The following FETUB variants were observed in gnomAD, a reference collection of about 807,000 sequenced individuals.
The protein encoded by FETUB is fetuin B, also known as fetuin-B.
A neutral mutation model predicts 30.9 loss-of-function variants in FETUB; 28 were observed. That is an observed-to-expected ratio of 0.90 (90% CI 0.67 to 1.24). The LOEUF is 1.24. FETUB is among the 50% of genes most tolerant of loss of function. The pLI is 0.00. For missense variants in FETUB, 469 were observed against 455.3 expected (o/e 1.03, Z -0.27); for synonymous variants, 186 against 175.9 (o/e 1.06, Z -0.45).
At chr3:186,648,474 G>A (rs1287655577) in intron 5 of FETUB, among the ~76,000 whole-genome samples, 1 of 152,146 alleles carries the variant, frequency 6.6e-6, no homozygotes, top group Non-Finnish European at 1.5e-5. Context: ...GGGTATCCTG[G>A]ATGCCTTGAA....
chr3:186,644,315 A>T (rs528347989), intron 3 of FETUB, among the ~76,000 whole-genome samples: 6 of 152,286 alleles, frequency 3.9e-5, no homozygotes, highest in Admixed American at 3.3e-4. Flanking sequence ...TCACTTATCC[A>T]TTCATTCTAC....
rs1718166847 is a variant in FETUB, at chr3:186,652,688, G to A, written c.*57G>A. The A allele has an allele frequency of 2.0e-6, 3 of 1,528,090 alleles. No homozygotes were observed. In the East Asian group the frequency reaches 6.8e-5, roughly 35 times the overall value. 94.7% of individuals were successfully genotyped at this position (1,528,090 alleles called of 1,614,324 possible). ...TGCGCCGCATGACATGGGAGGCGAT[G>A]GGGACGATGGACAGAGACAGAGCGT... On this transcript the variant is annotated 3_prime_UTR_variant, in exon 7 of 7. Coordinates refer to ENST00000265029, the MANE Select transcript of FETUB (RefSeq NM_014375.3).
intron 5 of FETUB, among the ~76,000 whole-genome samples, chr3:186,649,519 G>A (rs1717820329): frequency 6.6e-6 from 1 of 152,030 alleles, no homozygotes; most frequent in Non-Finnish European, 1.5e-5. Flanking sequence ...GCCCAGGCTG[G>A]AGTACAGTGG....
Position 186,645,216 on chromosome 3 carries a change from T to C in FETUB, c.594+296T>C, listed in dbSNP as rs539131123. 2.0e-5 allele frequency among the ~76,000 whole-genome samples: 3 copies of C among 152,302 alleles called. No homozygotes were observed. The South Asian group carries it at 6.2e-4, about 32-fold the overall frequency. ...GATTATCCATACGTTCACCACTCAC[T>C]GCTGTATTCTCAAATGTGACTGATC... On this transcript the variant is annotated intron_variant, in intron 4 of 6. Coordinates refer to ENST00000265029, the MANE Select transcript of FETUB (RefSeq NM_014375.3).
chr3:186,642,611 T>C lies in FETUB; in HGVS notation c.424+53T>C, dbSNP rs537322354. ...TTTAATAAAGGATGGAAAAGAGTAC[T>C]TAACCAGGTCTTTGCCAAGAATGTA... On this transcript the variant is annotated intron_variant, in intron 3 of 6. Coordinates refer to ENST00000265029, the MANE Select transcript of FETUB (RefSeq NM_014375.3). 9 of 1,086,806 alleles carry C rather than the reference T, an allele frequency of 8.3e-6. No homozygotes were observed. In the African/African-American group the frequency reaches 1.2e-4, roughly 15 times the overall value. The allele number at this position is 1,086,806 out of a possible 1,614,324, so 67.3% of individuals were successfully genotyped here.
rs1226395505 is a variant in FETUB, at chr3:186,640,613, T to C, written c.153T>C (p.Asp51=). 1.2e-6 allele frequency: 2 copies of C among 1,614,148 alleles called. No homozygotes were observed. Among genetic ancestry groups the C allele is most frequent in the Non-Finnish European group, 1.7e-6 (2 of 1,180,018 alleles). Residue 51 remains aspartate (D), a synonymous_variant, in exon 1 of 7, where the codon GAT becomes GAC. Transcript: ENST00000265029. ...VLAVAGFALR[D]INKDRKDGYV... ...CAGTTGCAGGCTTTGCCCTGCGGGATATTAACAAAGACAGAAAGGATGGCT... is the reference window on the plus strand; with the variant it reads ...CAGTTGCAGGCTTTGCCCTGCGGGACATTAACAAAGACAGAAAGGATGGCT...
At chr3:186,645,972 G>T (rs934239937) in intron 4 of FETUB, among the ~76,000 whole-genome samples, 1 of 152,066 alleles carries the variant, frequency 6.6e-6, no homozygotes, top group Non-Finnish European at 1.5e-5. Context: ...TGATCCGCCC[G>T]CCTCGGCCTC....
intron 4 of FETUB, among the ~76,000 whole-genome samples, chr3:186,645,548 A>G (rs930093718): frequency 1.3e-5 from 2 of 151,774 alleles, no homozygotes; most frequent in Non-Finnish European, 2.9e-5. Context: ...GCTGGTCTCA[A>G]ACTCCTGGAC....
At chr3:186,644,718 G>T in intron 3 of FETUB, 33 bp from the exon 4 acceptor site, 1 of 1,532,414 alleles carries the variant, frequency 6.5e-7, no homozygotes, top group Non-Finnish European at 8.8e-7. Flanking sequence ...AAAATTAATA[G>T]CATTTAAAAA....
At chr3:186,648,682 T>A (rs1717749775) in intron 5 of FETUB, among the ~76,000 whole-genome samples, 1 of 152,234 alleles carries the variant, frequency 6.6e-6, no homozygotes, top group South Asian at 2.1e-4. Flanking sequence ...TTCAACAAAG[T>A]TTTGTAGTTT....
At chr3:186,650,170 T>TG (rs10618470) in intron 5 of FETUB, among the ~76,000 whole-genome samples, 2,600 of 65,254 alleles carry the variant, frequency 0.04, 45 homozygotes, top group African/African-American at 0.062. Flanking sequence ...TTGGCGGGGG[T>TG]GGGGGGGGGG....
chr3:186,646,933 A>G (rs1006070281), intron 5 of FETUB: 2 of 152,254 alleles, frequency 1.3e-5, no homozygotes, highest in African/African-American at 4.8e-5. Context: ...TTGTGCCACC[A>G]TCACCACTTT....
chr3:186,652,291 C>A lies in FETUB; in HGVS notation c.809C>A (p.Ala270Asp). 1 of 1,561,018 alleles carries A rather than the reference C, an allele frequency of 6.4e-7. No homozygotes were observed. Among genetic ancestry groups the A allele is most frequent in the South Asian group, 1.2e-5 (1 of 80,342 alleles). Reference protein sequence around the residue: ...QAPATGSENSAVNQKPTNLPK... With the variant: ...QAPATGSENSDVNQKPTNLPK... ...CCAGCCACTGGAAGTGAAAACTCTG[C>A]TGTTAACCAGAAACCTACAAACCTT... Residue 270 changes from alanine (A) to aspartate (D), a missense_variant, in exon 7 of 7, where the codon GCT becomes GAT. By Grantham distance (126) the Ala-to-Asp change is moderately radical. Transcript: ENST00000265029.
rs747442158 is a variant in FETUB at position 186,644,863 on chromosome 3, CAAT to C, written c.538_540del (p.Asn180del). The C allele has an allele frequency of 8.1e-6, 13 of 1,613,852 alleles. No individual in the cohort carries two copies. The highest frequency in any genetic ancestry group is 5.5e-5 in the South Asian group (5 of 91,060). The stretch of plus-strand genomic sequence containing the variant: ...CCACCGAGTCTCTTGCGAAATACAA[CAAT>C]GAGAACACATCCAAGCAGTATTCTC... On this transcript the variant is annotated inframe_deletion, in exon 4 of 7. Coordinates refer to ENST00000265029, the MANE Select transcript of FETUB (RefSeq NM_014375.3).
chr3:186,639,236 A>G (rs925687061), upstream of FETUB, among the ~76,000 whole-genome samples: 1 of 152,216 alleles, frequency 6.6e-6, no homozygotes, highest in Non-Finnish European at 1.5e-5. Flanking sequence ...ACATCCTTTT[A>G]TCAGGAACTC....
upstream of FETUB, among the ~76,000 whole-genome samples, chr3:186,637,941 A>G (rs1462520341): frequency 2.6e-5 from 4 of 152,216 alleles, no homozygotes; most frequent in East Asian, 7.7e-4. Flanking sequence ...TAAGGTACCC[A>G]CATGCAACTC....
In FETUB at chr3:186,641,143, G is replaced by A. The variant is rs764258006; in HGVS notation, c.336+3G>A. ...GAATGAGGATATTTTTTGAATCAGT[G>A]AGTGCTTGTTTTTATAAACCATTAA... On this transcript the variant is annotated splice_donor_region_variant and intron_variant, in intron 2 of 6. Transcript: ENST00000265029. The A allele has an allele frequency of 1.1e-5, 18 of 1,588,780 alleles. No individual in the cohort carries two copies. In the Admixed American group the frequency reaches 3.0e-4, roughly 27 times the overall value.
At chr3:186,644,059 G>C (rs951715774) in intron 3 of FETUB, among the ~76,000 whole-genome samples, 15 of 152,058 alleles carry the variant, frequency 9.9e-5, no homozygotes, top group African/African-American at 2.4e-5. Context: ...TATATATACT[G>C]TATTGTGATC....
intron 6 of FETUB, 45 bp from the exon 7 acceptor site, chr3:186,652,218 G>T: frequency 6.6e-7 from 1 of 1,522,878 alleles, no homozygotes; most frequent in South Asian, 1.4e-5. Context: ...GGCATGGGAG[G>T]ACTTTCCCTG....
Sources: allele counts gnomAD v4.1 joint callset (sites outside exome capture counted in the v4.1 genomes callset), GRCh38; gene constraint gnomAD v4.1.1; transcripts MANE v1.5; gene names NCBI Gene and HGNC (gene_info 2026-07-23, HGNC 2026-07-21).